The following TRIM2 variants were observed in gnomAD, a reference collection of about 807,000 sequenced individuals.
TRIM2 encodes the protein tripartite motif-containing protein 2.
A neutral mutation model predicts 75.2 loss-of-function variants in TRIM2; 20 were observed. The ratio of observed to expected loss-of-function variants is 0.27; its 90% confidence interval spans 0.19 to 0.39. The LOEUF is 0.39. Ranked by LOEUF, TRIM2 falls within the 10% of genes least tolerant of loss-of-function variation. The pLI is 1.00. For missense variants in TRIM2, 660 were observed against 990.8 expected, an observed-to-expected ratio of 0.67 and a Z score of 4.48; for synonymous variants, 373 against 388.3, an observed-to-expected ratio of 0.96 and a Z score of 0.46.
At chr4:153,190,574 G>A (rs1733080870) in intron 1 of TRIM2, among the ~76,000 whole-genome samples, 1 of 152,116 alleles carries the variant, frequency 6.6e-6, no homozygotes, top group African/African-American at 2.4e-5. Flanking sequence ...AGAATCTACT[G>A]TTAACCATCT....
intron 1 of TRIM2, among the ~76,000 whole-genome samples, chr4:153,177,294 A>T (rs1731542755): frequency 1.3e-5 from 2 of 152,216 alleles, no homozygotes; most frequent in African/African-American, 4.8e-5. Flanking sequence ...TAGTCTCATG[A>T]CCACAGATAG....
chr4:153,254,302 C>T (rs116470582), intron 1 of TRIM2, among the ~76,000 whole-genome samples: 1,904 of 152,286 alleles, frequency 0.013, 28 homozygotes, highest in African/African-American at 0.044. Flanking sequence ...AATTTAGTAG[C>T]GTACATCCTC....
At chr4:153,234,545 T>C (rs763874311) in intron 1 of TRIM2, among the ~76,000 whole-genome samples, 9 of 152,194 alleles carry the variant, frequency 5.9e-5, no homozygotes, top group Non-Finnish European at 1.2e-4. Context: ...GTCACAAAAG[T>C]TTGGAAACTG....
intron 1 of TRIM2, among the ~76,000 whole-genome samples, chr4:153,207,811 C>T (rs895332570): frequency 6.6e-6 from 1 of 152,156 alleles, no homozygotes; most frequent in African/African-American, 2.4e-5. Flanking sequence ...TCTATCTGTC[C>T]TGAGGCATGA....
chr4:153,209,548 A>G (rs1736381225), intron 1 of TRIM2, among the ~76,000 whole-genome samples: 1 of 152,130 alleles, frequency 6.6e-6, no homozygotes, highest in East Asian at 1.9e-4. Flanking sequence ...CCCACTGTCC[A>G]CCTGTGCCTT....
At chr4:153,302,051 T>G (rs981242487) in intron 6 of TRIM2, among the ~76,000 whole-genome samples, 2 of 152,246 alleles carry the variant, frequency 1.3e-5, no homozygotes, top group Non-Finnish European at 2.9e-5. Context: ...AGTTGCATTT[T>G]AGATCACTTG....
At chr4:153,178,103 T>A (rs1268253099) in intron 1 of TRIM2, among the ~76,000 whole-genome samples, 1 of 152,096 alleles carries the variant, frequency 6.6e-6, no homozygotes, top group Non-Finnish European at 1.5e-5. Context: ...CACCTGGCCA[T>A]GATTAGCAGT....
intron 9 of TRIM2, among the ~76,000 whole-genome samples, chr4:153,323,764 G>A (rs771201852): frequency 2.0e-5 from 3 of 152,206 alleles, no homozygotes; most frequent in Non-Finnish European, 4.4e-5. Context: ...GAAGCTGGCA[G>A]ATGTGACTTT....
intron 6 of TRIM2, among the ~76,000 whole-genome samples, chr4:153,297,560 C>T (rs1161926268): frequency 2.6e-5 from 4 of 152,150 alleles, no homozygotes; most frequent in Non-Finnish European, 5.9e-5. Flanking sequence ...TTTAGATTAT[C>T]CCTACTACCT....
intron 1 of TRIM2, among the ~76,000 whole-genome samples, chr4:153,220,834 T>C (rs961805532): frequency 6.6e-6 from 1 of 152,136 alleles, no homozygotes; most frequent in African/African-American, 2.4e-5. Flanking sequence ...AGCAAAACCA[T>C]AATGAAATAC....
chr4:153,321,301 G>A (rs1768924260), intron 8 of TRIM2, among the ~76,000 whole-genome samples: 1 of 152,242 alleles, frequency 6.6e-6, no homozygotes. Flanking sequence ...CAGGCACATA[G>A]TGGGTGCTTG....
chr4:153,292,041 T>C (rs1761928012), intron 3 of TRIM2, among the ~76,000 whole-genome samples: 1 of 152,200 alleles, frequency 6.6e-6, no homozygotes, highest in Non-Finnish European at 1.5e-5. Flanking sequence ...CAGTAGCAGT[T>C]CTCAAAGTGT....
Position 153,323,979 on chromosome 4 carries a change from ATAAC to A in TRIM2, c.1952-95_1952-92del, listed in dbSNP as rs1206032690. The A allele has an allele frequency of 3.6e-4, 331 of 927,372 alleles. 6 individuals carry two copies. The highest frequency in any genetic ancestry group is 2.9e-3 in the South Asian group (191 of 66,724). 57.4% of individuals were successfully genotyped at this position (927,372 alleles called of 1,614,324 possible). On this transcript the variant is annotated intron_variant, in intron 9 of 11. Coordinates refer to ENST00000338700, the MANE Select transcript of TRIM2 (RefSeq NM_015271.5). ...TCTATGATTCTTTGTACTTTCTTAAATAACTAAGTTAATATATTAAGTTTGTTTG... is the reference window on the plus strand; with the variant it reads ...TCTATGATTCTTTGTACTTTCTTAAATAAGTTAATATATTAAGTTTGTTTG...
At chr4:153,221,746 G>T (rs1740082658) in intron 1 of TRIM2, among the ~76,000 whole-genome samples, 1 of 117,128 alleles carries the variant, frequency 8.5e-6, no homozygotes, top group African/African-American at 4.3e-5. Flanking sequence ...GAGTGAGGAA[G>T]GGAGGGAGGG....
At position 153,315,471 on chromosome 4, in the gene TRIM2, A is replaced by G; in HGVS notation, c.1511-14A>G. On this transcript the variant is annotated splice_polypyrimidine_tract_variant and intron_variant, in intron 6 of 11. Coordinates refer to ENST00000338700, the MANE Select transcript of TRIM2 (RefSeq NM_015271.5). ...TTTAGTGCTTAATTTTTATGATTTT[A>G]TCATTTATTTTAGGTACCAAAGGAA... 2 of 1,581,934 alleles carry G rather than the reference A, an allele frequency of 1.3e-6. No individual in the cohort carries two copies. Among genetic ancestry groups the G allele is most frequent in the Non-Finnish European group, 1.7e-6 (2 of 1,165,372 alleles).
intron 3 of TRIM2, among the ~76,000 whole-genome samples, chr4:153,285,852 A>T (rs1760509360): frequency 6.6e-6 from 1 of 151,950 alleles, no homozygotes; most frequent in Non-Finnish European, 1.5e-5. Context: ...TTCCTTTCCA[A>T]TTTGGATGCA....
At chr4:153,259,219 C>CTA (rs1752806433) in intron 1 of TRIM2, among the ~76,000 whole-genome samples, 1 of 152,154 alleles carries the variant, frequency 6.6e-6, no homozygotes, top group African/African-American at 2.4e-5. Flanking sequence ...ATAGGTAATA[C>CTA]TATAGTCCTG....
At chr4:153,192,701 A>G (rs1022035534) in intron 1 of TRIM2, among the ~76,000 whole-genome samples, 3 of 152,076 alleles carry the variant, frequency 2.0e-5, no homozygotes, top group Non-Finnish European at 4.4e-5. Flanking sequence ...CATCACAGTC[A>G]GCAGATCCAA....
At chr4:153,272,750 C>T (rs945422533) in intron 2 of TRIM2, among the ~76,000 whole-genome samples, 2 of 151,986 alleles carry the variant, frequency 1.3e-5, no homozygotes, top group East Asian at 3.8e-4. Flanking sequence ...GGCTTACAGG[C>T]GTGAGCCACT....
Sources: allele counts gnomAD v4.1 joint callset (sites outside exome capture counted in the v4.1 genomes callset), GRCh38; gene constraint gnomAD v4.1.1; transcripts MANE v1.5; gene names NCBI Gene and HGNC (gene_info 2026-07-23, HGNC 2026-07-21).